Variants in SORCS3 observed in about 807,000 individuals in gnomAD.
SORCS3 encodes sortilin related VPS10 domain containing receptor 3.
In SORCS3, 57 loss-of-function variants were observed where a neutral mutation model predicts 146.3. The observed-to-expected ratio is 0.39, with a 90% CI of 0.31 to 0.49. The LOEUF (loss-of-function observed/expected upper bound fraction) is 0.49, where lower values mean the gene tolerates loss of function less well. Among genes scored for constraint, SORCS3 ranks in the 20% least tolerant of loss-of-function variants. SORCS3 has a pLI of 0.92. For missense variants in SORCS3, 1,341 were observed against 1,575.5 expected, an observed-to-expected ratio of 0.85 and a Z score of 2.52; for synonymous variants, 653 against 618.5, an observed-to-expected ratio of 1.06 and a Z score of -0.83.
chr10:105,039,953 G>A (rs1252154603), intron 4 of SORCS3, among the ~76,000 whole-genome samples: 1 of 152,162 alleles, frequency 6.6e-6, no homozygotes, highest in Non-Finnish European at 1.5e-5. Context: ...AGCAGAGGAA[G>A]ACACAATCAT....
chr10:105,225,862 A>C (rs928390550), intron 20 of SORCS3, among the ~76,000 whole-genome samples: 47 of 151,798 alleles, frequency 3.1e-4, no homozygotes, highest in African/African-American at 1.1e-3. Flanking sequence ...TGGGTATTTT[A>C]TGTTTTTGTT....
chr10:104,726,791 A>G (rs1589475062), intron 1 of SORCS3, among the ~76,000 whole-genome samples: 1 of 151,830 alleles, frequency 6.6e-6, no homozygotes, highest in Admixed American at 6.6e-5. Context: ...TGCCTGCCCC[A>G]TCTCCATTCC....
intron 20 of SORCS3, among the ~76,000 whole-genome samples, chr10:105,242,000 A>G (rs1365037493): frequency 6.6e-6 from 1 of 151,988 alleles, no homozygotes; most frequent in African/African-American, 2.4e-5. Flanking sequence ...TTTAACTTGT[A>G]ACTTGGCTTT....
intron 6 of SORCS3, among the ~76,000 whole-genome samples, chr10:105,099,955 G>C (rs935317400): frequency 2.0e-5 from 3 of 152,310 alleles, no homozygotes; most frequent in Middle Eastern, 3.4e-3. Context: ...GACACCTGCA[G>C]CTTCTCTATA....
At chr10:104,727,630 T>G (rs1318207551) in intron 1 of SORCS3, among the ~76,000 whole-genome samples, 1 of 152,040 alleles carries the variant, frequency 6.6e-6, no homozygotes, top group Admixed American at 6.6e-5. Flanking sequence ...CTTCTAAGAA[T>G]ATACGTGTGT....
Position 105,157,185 on chromosome 10 carries a change from C to T in SORCS3, c.1530C>T (p.Asp510=), listed in dbSNP as rs757746278. The T allele has an allele frequency of 1.2e-6, 2 of 1,613,976 alleles. No individual in the cohort carries two copies. The highest frequency in any genetic ancestry group is 2.2e-5 in the South Asian group (2 of 91,072). The stretch of plus-strand genomic sequence containing the variant: ...TTCTGGCAAACAAGAAGGTGGACGA[C>T]CAGGTGAAGACATACATCACTTACA... ...GIFLANKKVD[D]QVKTYITYNK... is the part of the protein sequence containing the mutation. The change falls in exon 10 of 27, where the codon GAC becomes GAT. Residue 510 remains aspartate (D), a synonymous_variant. Coordinates refer to ENST00000369701, the MANE Select transcript of SORCS3 (RefSeq NM_014978.3).
intron 5 of SORCS3, among the ~76,000 whole-genome samples, chr10:105,064,254 G>GT (rs1554874102): frequency 6.6e-6 from 1 of 152,164 alleles, no homozygotes; most frequent in Non-Finnish European, 1.5e-5. Context: ...GGTTGCCATG[G>GT]TGAGTGTAAA....
intron 1 of SORCS3, among the ~76,000 whole-genome samples, chr10:104,712,267 C>G (rs1391840156): frequency 6.6e-6 from 1 of 152,150 alleles, no homozygotes; most frequent in Non-Finnish European, 1.5e-5. Context: ...CCTGTTGCCA[C>G]ACAGCTACTA....
At chr10:105,087,269 T>C (rs2055668402) in intron 5 of SORCS3, among the ~76,000 whole-genome samples, 1 of 152,216 alleles carries the variant, frequency 6.6e-6, no homozygotes, top group African/African-American at 2.4e-5. Flanking sequence ...AGGCCTCTCT[T>C]CTGTTCCATT....
chr10:104,703,495 A>G (rs1043064659), intron 1 of SORCS3, among the ~76,000 whole-genome samples: 10 of 152,154 alleles, frequency 6.6e-5, no homozygotes, highest in African/African-American at 2.4e-4. Flanking sequence ...GCAAACTAAC[A>G]CAGGAACAGA....
intron 1 of SORCS3, among the ~76,000 whole-genome samples, chr10:104,680,257 C>T (rs1439308562): frequency 2.6e-5 from 4 of 152,220 alleles, no homozygotes; most frequent in Non-Finnish European, 5.9e-5. Context: ...GCCAGAGTTG[C>T]ATAGTAAATA....
intron 1 of SORCS3, among the ~76,000 whole-genome samples, chr10:104,803,721 G>C (rs1453488802): frequency 6.6e-6 from 1 of 152,192 alleles, no homozygotes; most frequent in Middle Eastern, 3.4e-3. Context: ...GAGTCCCCAG[G>C]CTCATTTATT....
intron 20 of SORCS3, among the ~76,000 whole-genome samples, chr10:105,226,971 T>G (rs541387380): frequency 2.6e-5 from 4 of 152,098 alleles, no homozygotes; most frequent in African/African-American, 9.6e-5. Flanking sequence ...AGCAAGTGGT[T>G]TGTTGATTTT....
intron 1 of SORCS3, among the ~76,000 whole-genome samples, chr10:104,803,605 G>A (rs548306096): frequency 2.4e-4 from 36 of 152,252 alleles, no homozygotes; most frequent in African/African-American, 8.7e-4. Context: ...ATAATCCTGT[G>A]TGTTGCCCAT....
At chr10:104,845,009 G>T (rs1235704550) in intron 2 of SORCS3, among the ~76,000 whole-genome samples, 1 of 152,138 alleles carries the variant, frequency 6.6e-6, no homozygotes, top group Non-Finnish European at 1.5e-5. Context: ...ACATGTCTTT[G>T]CTCTAGCCTC....
chr10:105,052,358 T>G (rs1361800), intron 5 of SORCS3, among the ~76,000 whole-genome samples: 20,534 of 152,212 alleles, frequency 0.13, 1,752 homozygotes, highest in South Asian at 0.19. Flanking sequence ...GGCCAGTGAT[T>G]CCTTAGTTAG....
chr10:105,252,903 A>G lies in SORCS3; in HGVS notation c.3234A>G (p.Glu1078=), dbSNP rs2056909541. ...ERRKGNEGDL[E]QIVETLFNAL... Reference sequence around the variant, plus strand: ...GGAAAGGCAATGAAGGGGACCTGGAACAAGTAAGTGAAAGTAAATCTGGCT... The same window carrying G: ...GGAAAGGCAATGAAGGGGACCTGGAGCAAGTAAGTGAAAGTAAATCTGGCT... Residue 1078 remains glutamate, a synonymous_variant, in exon 23 of 27, where the codon GAA becomes GAG. Coordinates refer to ENST00000369701, the MANE Select transcript of SORCS3 (RefSeq NM_014978.3). 6.2e-7 allele frequency: 1 copy of G among 1,613,600 alleles called. No individual in the cohort carries two copies. Among genetic ancestry groups the G allele is most frequent in the Admixed American group, 1.7e-5 (1 of 59,944 alleles).
intron 1 of SORCS3, among the ~76,000 whole-genome samples, chr10:104,761,507 C>A (rs1478821718): frequency 1.3e-5 from 2 of 152,120 alleles, no homozygotes; most frequent in Non-Finnish European, 2.9e-5. Context: ...GAGGGATAGA[C>A]AAGGCTCTTC....
At chr10:104,689,795 A>G (rs2016091827) in intron 1 of SORCS3, among the ~76,000 whole-genome samples, 1 of 152,180 alleles carries the variant, frequency 6.6e-6, no homozygotes, top group Non-Finnish European at 1.5e-5. Flanking sequence ...ACAGTGAGGC[A>G]TGGAGAACAG....
Sources: gnomAD v4.1 joint callset for allele counts (sites outside exome capture counted in the v4.1 genomes callset) on GRCh38, gnomAD v4.1.1 for gene constraint, MANE v1.5 for transcripts, NCBI Gene and HGNC (gene_info 2026-07-23, HGNC 2026-07-21) for gene names.